STXBP5L: variants seen among roughly 807,000 people sequenced by gnomAD.
STXBP5L encodes syntaxin binding protein 5L.
A neutral mutation model predicts 144.5 loss-of-function variants in STXBP5L; 65 were observed. The observed-to-expected ratio is 0.45, with a 90% CI of 0.37 to 0.55. The LOEUF is 0.55. Among genes scored for constraint, STXBP5L ranks in the 20% least tolerant of loss-of-function variants. The pLI, the probability that STXBP5L is intolerant of heterozygous loss-of-function variation, is 0.00. For synonymous variants in STXBP5L, 505 were observed against 469.6 expected (o/e 1.08, Z -0.97); for missense variants, 1,298 against 1,405.5 (o/e 0.92, Z 1.22).
chr3:121,029,277 C>G (rs961455226), intron 3 of STXBP5L, among the ~76,000 whole-genome samples: 1 of 152,152 alleles, frequency 6.6e-6, no homozygotes, highest in Non-Finnish European at 1.5e-5. Flanking sequence ...TGACTTCAAA[C>G]TATACTACAA....
intron 5 of STXBP5L, among the ~76,000 whole-genome samples, chr3:121,110,367 CTTGT>C (rs1273048382): frequency 3.3e-5 from 5 of 151,792 alleles, no homozygotes; most frequent in African/African-American, 4.8e-5. Flanking sequence ...TGTTTGTTTG[CTTGT>C]TTGTTTTCAT....
intron 5 of STXBP5L, among the ~76,000 whole-genome samples, chr3:121,064,869 G>C (rs2041468869): frequency 6.6e-6 from 1 of 152,140 alleles, no homozygotes; most frequent in African/African-American, 2.4e-5. Context: ...CAAATAGGTA[G>C]TTTTTCCGTC....
At chr3:121,201,575 G>A (rs1235593035) in intron 9 of STXBP5L, among the ~76,000 whole-genome samples, 3 of 151,492 alleles carry the variant, frequency 2.0e-5, no homozygotes, top group East Asian at 1.9e-4. Flanking sequence ...TGGTTATTTT[G>A]TACATTAGTT....
At chr3:121,143,473 A>G (rs774996764) in intron 7 of STXBP5L, among the ~76,000 whole-genome samples, 5 of 151,870 alleles carry the variant, frequency 3.3e-5, no homozygotes, top group African/African-American at 4.8e-5. Flanking sequence ...TAAAATAATC[A>G]TGCATCATGA....
chr3:121,250,646 C>A, intron 14 of STXBP5L, 77 bp from the exon 15 acceptor site: 1 of 1,218,506 alleles, frequency 8.2e-7, no homozygotes, highest in East Asian at 2.5e-5. Flanking sequence ...AACAGTAACT[C>A]AAGTTTCTGT....
intron 3 of STXBP5L, among the ~76,000 whole-genome samples, chr3:121,031,019 A>G (rs758561628): frequency 1.5e-4 from 23 of 152,118 alleles, no homozygotes; most frequent in Non-Finnish European, 2.9e-4. Context: ...GACACTCTTA[A>G]AACAAATTAT....
intron 20 of STXBP5L, among the ~76,000 whole-genome samples, chr3:121,364,900 A>C (rs923308577): frequency 6.6e-6 from 1 of 151,696 alleles, no homozygotes; most frequent in African/African-American, 2.4e-5. Context: ...TCTATTTCTA[A>C]TTTGTTGAGT....
chr3:121,170,746 C>T (rs1432035363), intron 9 of STXBP5L, among the ~76,000 whole-genome samples: 2 of 151,978 alleles, frequency 1.3e-5, no homozygotes, highest in Non-Finnish European at 2.9e-5. Context: ...GATTCACAGC[C>T]GAATTCTCCC....
At chr3:121,317,134 A>T (rs945966064) in intron 19 of STXBP5L, among the ~76,000 whole-genome samples, 1 of 152,176 alleles carries the variant, frequency 6.6e-6, no homozygotes, top group African/African-American at 2.4e-5. Flanking sequence ...TATATCAGTA[A>T]ATATTATGTG....
At chr3:121,053,451 A>T (rs536788318) in intron 5 of STXBP5L, among the ~76,000 whole-genome samples, 16 of 152,316 alleles carry the variant, frequency 1.1e-4, no homozygotes, top group Admixed American at 9.2e-4. Flanking sequence ...ATCTACAACC[A>T]TCTGATCTTT....
chr3:121,194,003 A>C (rs2047818447), intron 9 of STXBP5L, among the ~76,000 whole-genome samples: 1 of 152,014 alleles, frequency 6.6e-6, no homozygotes, highest in Non-Finnish European at 1.5e-5. Flanking sequence ...AAGAAATTTT[A>C]GATGCTTGCT....
At chr3:121,350,753 A>G (rs9877821) in intron 20 of STXBP5L, among the ~76,000 whole-genome samples, 112,836 of 151,994 alleles carry the variant, frequency 0.74, 42,138 homozygotes, top group East Asian at 0.93. Flanking sequence ...TGATCGAATC[A>G]GCTACTGAGG....
At position 121,408,319 on chromosome 3, in the gene STXBP5L, GTCA is replaced by G. The variant is rs886794856; in HGVS notation, c.2948+718_2948+720del. Among the ~76,000 whole-genome samples the G allele has an allele frequency of 9.9e-5, 15 of 151,880 alleles. No homozygotes were observed. The South Asian group carries it at 1.2e-3, about 13-fold the overall frequency. On this transcript the variant is annotated intron_variant, in intron 23 of 26. Coordinates refer to ENST00000471454, the MANE Select transcript of STXBP5L (RefSeq NM_001308330.2). ...AAACGTATACTATATAGAAGTCACT[GTCA>G]TTTTTTTAATATCTCACTTATTTCC...
At chr3:121,027,333 G>A (rs1946020974) in intron 3 of STXBP5L, among the ~76,000 whole-genome samples, 1 of 151,978 alleles carries the variant, frequency 6.6e-6, no homozygotes, top group Non-Finnish European at 1.5e-5. Context: ...TCACCCCCGT[G>A]GGATATCAGG....
chr3:120,983,255 C>T (rs896091730), intron 3 of STXBP5L, among the ~76,000 whole-genome samples: 2 of 151,572 alleles, frequency 1.3e-5, no homozygotes, highest in African/African-American at 2.4e-5. Context: ...TGGAGATGCT[C>T]AGATGGGGGC....
chr3:121,329,167 C>T (rs929576186), intron 20 of STXBP5L, among the ~76,000 whole-genome samples: 10 of 152,072 alleles, frequency 6.6e-5, no homozygotes, highest in African/African-American at 2.4e-4. Context: ...TCAGGAAGTA[C>T]TTCTTATGTA....
At chr3:121,203,558 A>G (rs1476483513) in intron 9 of STXBP5L, among the ~76,000 whole-genome samples, 1 of 152,230 alleles carries the variant, frequency 6.6e-6, no homozygotes, top group Admixed American at 6.5e-5. Flanking sequence ...GTGATACACA[A>G]CATGACATTT....
intron 7 of STXBP5L, among the ~76,000 whole-genome samples, chr3:121,125,830 G>T (rs2044678272): frequency 1.3e-5 from 2 of 152,128 alleles, no homozygotes; most frequent in Admixed American, 1.3e-4. Flanking sequence ...GGGGTCAAAT[G>T]ACACAATTCT....
chr3:121,100,961 A>G (rs1307319077), intron 5 of STXBP5L, among the ~76,000 whole-genome samples: 1 of 152,066 alleles, frequency 6.6e-6, no homozygotes, highest in Non-Finnish European at 1.5e-5. Context: ...ACTGCTATGA[A>G]CACCTCTATG....
Sources: allele counts gnomAD v4.1 joint callset (sites outside exome capture counted in the v4.1 genomes callset), GRCh38; gene constraint gnomAD v4.1.1; transcripts MANE v1.5; gene names NCBI Gene and HGNC (gene_info 2026-07-23, HGNC 2026-07-21).